TMEM132D: variants seen among roughly 807,000 people sequenced by gnomAD.
TMEM132D encodes the protein transmembrane protein 132D, also known as mature OL transmembrane protein.
A neutral mutation model predicts 62.3 loss-of-function variants in TMEM132D; 21 were observed. That is an observed-to-expected ratio of 0.34 (90% CI 0.24 to 0.49). TMEM132D has a LOEUF of 0.49. Ranked by LOEUF, TMEM132D falls within the 20% of genes least tolerant of loss-of-function variation. The pLI is 0.99. For missense variants in TMEM132D, 1,346 were observed against 1,402.8 expected, an observed-to-expected ratio of 0.96 and a Z score of 0.65; for synonymous variants, 621 against 575.6, an observed-to-expected ratio of 1.08 and a Z score of -1.13.
intron 3 of TMEM132D, among the ~76,000 whole-genome samples, chr12:129,513,480 G>GGTTTGTTT (rs200219250): frequency 2.6e-5 from 4 of 151,774 alleles, no homozygotes; most frequent in African/African-American, 4.8e-5. Context: ...AACAAAAACA[G>GGTTTGTTT]GTTTGTTTGT....
At chr12:129,339,864 T>C (rs562186749) in intron 3 of TMEM132D, among the ~76,000 whole-genome samples, 3 of 152,326 alleles carry the variant, frequency 2.0e-5, no homozygotes, top group African/African-American at 7.2e-5. Flanking sequence ...GGCATAAATG[T>C]AGCTCATTGT....
At chr12:129,448,533 A>G (rs1015469717) in intron 3 of TMEM132D, among the ~76,000 whole-genome samples, 5 of 152,162 alleles carry the variant, frequency 3.3e-5, no homozygotes, top group Non-Finnish European at 4.4e-5. Flanking sequence ...AGCTCCATCC[A>G]TGTTGCTGCA....
At chr12:129,538,320 T>A (rs1182244604) in intron 2 of TMEM132D, among the ~76,000 whole-genome samples, 3 of 152,246 alleles carry the variant, frequency 2.0e-5, no homozygotes, top group Non-Finnish European at 1.5e-5. Flanking sequence ...ATAAATAGGA[T>A]CATGCCGAGG....
chr12:129,125,946 T>C (rs1468776468), intron 5 of TMEM132D, among the ~76,000 whole-genome samples: 1 of 152,286 alleles, frequency 6.6e-6, no homozygotes, highest in African/African-American at 2.4e-5. Flanking sequence ...GGTGTTCCTT[T>C]CTTTTCCTAA....
At chr12:129,117,249 G>A (rs1803077796) in intron 5 of TMEM132D, among the ~76,000 whole-genome samples, 1 of 151,900 alleles carries the variant, frequency 6.6e-6, no homozygotes, top group African/African-American at 2.4e-5. Flanking sequence ...TAAACTGATA[G>A]CTGGTTGCTA....
chr12:129,464,311 T>C (rs1873804206), intron 3 of TMEM132D, among the ~76,000 whole-genome samples: 1 of 152,254 alleles, frequency 6.6e-6, no homozygotes, highest in Admixed American at 6.5e-5. Flanking sequence ...CGCCCACTTT[T>C]TGATGGGGTT....
At chr12:129,471,166 C>CT (rs1348776541) in intron 3 of TMEM132D, among the ~76,000 whole-genome samples, 1 of 150,080 alleles carries the variant, frequency 6.7e-6, no homozygotes, top group Non-Finnish European at 1.5e-5. Flanking sequence ...AAAAGCACCT[C>CT]TTATTTTGTT....
intron 3 of TMEM132D, among the ~76,000 whole-genome samples, chr12:129,458,564 T>C (rs1873555558): frequency 6.6e-6 from 1 of 152,168 alleles, no homozygotes. Flanking sequence ...AGTGAGACTG[T>C]GGGCATCACA....
intron 2 of TMEM132D, among the ~76,000 whole-genome samples, chr12:129,598,826 C>T (rs892533950): frequency 3.3e-5 from 5 of 152,134 alleles, no homozygotes; most frequent in African/African-American, 1.2e-4. Context: ...GCTGTATTTC[C>T]ACCTGTCCCT....
chr12:129,123,833 C>T (rs11060149), intron 5 of TMEM132D, among the ~76,000 whole-genome samples: 42,739 of 152,036 alleles, frequency 0.28, 6,983 homozygotes, highest in Non-Finnish European at 0.37. Flanking sequence ...CCATCACTGT[C>T]TCCCCTTGAA....
At chr12:129,715,001 G>T (rs1400694140) in intron 1 of TMEM132D, among the ~76,000 whole-genome samples, 3 of 152,156 alleles carry the variant, frequency 2.0e-5, no homozygotes, top group Non-Finnish European at 4.4e-5. Flanking sequence ...TGCAGGGAAA[G>T]AACTTCATTA....
chr12:129,576,465 CAT>C lies in TMEM132D; in HGVS notation c.969-45262_969-45261del, dbSNP rs1001023834. On this transcript the variant is annotated intron_variant, in intron 2 of 8. Coordinates refer to ENST00000422113, the MANE Select transcript of TMEM132D (RefSeq NM_133448.3). ...AAGTATGTGTATAGGTGTGTATAAA[CAT>C]ATATGCATACATATGTGTACATATA... 1.8e-3 allele frequency among the ~76,000 whole-genome samples: 275 copies of C among 151,360 alleles called. 5 individuals carry two copies. The highest frequency in any genetic ancestry group is 6.4e-3 in the African/African-American group (262 of 40,774).
intron 3 of TMEM132D, among the ~76,000 whole-genome samples, chr12:129,434,662 T>G (rs76607325): frequency 8.2e-6 from 1 of 122,624 alleles, no homozygotes; most frequent in African/African-American, 2.6e-5. Flanking sequence ...AGTTGTAGTT[T>G]TTTTTTTTTA....
At chr12:129,522,498 C>T (rs1875878363) in intron 3 of TMEM132D, 1 of 151,980 alleles carries the variant, frequency 6.6e-6, no homozygotes, top group Non-Finnish European at 1.5e-5. Flanking sequence ...GCTAAACACA[C>T]CAGGGGAAAC....
At chr12:129,220,987 C>T (rs1408639038) in intron 4 of TMEM132D, among the ~76,000 whole-genome samples, 1 of 151,962 alleles carries the variant, frequency 6.6e-6, no homozygotes, top group Non-Finnish European at 1.5e-5. Flanking sequence ...GGTGTTGGGC[C>T]AGCCATGCAG....
At chr12:129,423,122 C>A (rs540828202) in intron 3 of TMEM132D, among the ~76,000 whole-genome samples, 1 of 151,788 alleles carries the variant, frequency 6.6e-6, no homozygotes, top group Non-Finnish European at 1.5e-5. Flanking sequence ...TGGAAGAGTA[C>A]ACAGAACAAT....
chr12:129,459,937 C>T (rs1041497903), intron 3 of TMEM132D, among the ~76,000 whole-genome samples: 2 of 152,174 alleles, frequency 1.3e-5, no homozygotes, highest in Admixed American at 1.3e-4. Context: ...AACTGGGTGT[C>T]AAAATTGCCA....
At chr12:129,209,831 G>C in intron 4 of TMEM132D, 168 bp from the exon 5 acceptor site, 1 of 883,050 alleles carries the variant, frequency 1.1e-6, no homozygotes, top group Non-Finnish European at 1.7e-6. Context: ...GCAGCCATGA[G>C]ATAATGTTCT....
intron 5 of TMEM132D, among the ~76,000 whole-genome samples, chr12:129,107,603 A>C (rs979483369): frequency 3.3e-5 from 5 of 152,184 alleles, no homozygotes; most frequent in African/African-American, 1.2e-4. Flanking sequence ...ATTTGTGAAA[A>C]ATTCATGGTT....
Sources: gnomAD v4.1 joint callset for allele counts (sites outside exome capture counted in the v4.1 genomes callset) on GRCh38, gnomAD v4.1.1 for gene constraint, MANE v1.5 for transcripts, NCBI Gene and HGNC (gene_info 2026-07-23, HGNC 2026-07-21) for gene names.